CCDC175: variants seen among roughly 807,000 people sequenced by gnomAD.
CCDC175 encodes the protein coiled-coil domain-containing protein 175.
CCDC175 carries 100 observed loss-of-function variants against 114.6 expected under a neutral mutation model. The ratio of observed to expected loss-of-function variants is 0.87; its 90% CI spans 0.74 to 1.03. CCDC175 has a LOEUF of 1.03. CCDC175 is among the 50% of genes least tolerant of loss of function. The probability of loss-of-function intolerance (pLI) is 0.00; values close to 1 mark genes in which losing one functional copy is unlikely to be tolerated. For missense variants in CCDC175, 880 were observed against 917.8 expected (o/e 0.96, Z 0.53); for synonymous variants, 306 against 308.7 (o/e 0.99, Z 0.09).
At chr14:59,505,907 C>T (rs927472244) in intron 19 of CCDC175, among the ~76,000 whole-genome samples, 2 of 152,054 alleles carry the variant, frequency 1.3e-5, no homozygotes, top group African/African-American at 4.8e-5. Flanking sequence ...TTTCGAATTT[C>T]GGGTATTTTC....
chr14:59,546,273 C>T (rs1020929236), intron 8 of CCDC175, among the ~76,000 whole-genome samples: 5 of 152,074 alleles, frequency 3.3e-5, no homozygotes, highest in African/African-American at 1.2e-4. Context: ...ATTAGGTATA[C>T]ATGGACACAA....
rs1444521311 is a variant in CCDC175, at chr14:59,514,965, C to A, written c.2099-3162G>T. Among the ~76,000 whole-genome samples the A allele has an allele frequency of 2.0e-5, 3 of 152,280 alleles. No homozygotes were observed. In the East Asian group the frequency reaches 5.8e-4, roughly 29 times the overall value. On this transcript the variant is annotated intron_variant, in intron 17 of 19. Transcript: ENST00000537690. ...GAAGCCCAGCAGACTAACAGCTGAC[C>A]TCTCAGCAGAAACACTACAAGCCAG... is the stretch of plus-strand genomic sequence containing the variant.
intron 8 of CCDC175, among the ~76,000 whole-genome samples, chr14:59,547,689 AT>A (rs987803246): frequency 3.9e-5 from 6 of 152,230 alleles, no homozygotes; most frequent in African/African-American, 1.4e-4. Flanking sequence ...GCACATACAC[AT>A]AAATTCCAGA....
At chr14:59,512,170 A>T (rs981673493) in intron 17 of CCDC175, among the ~76,000 whole-genome samples, 1 of 152,232 alleles carries the variant, frequency 6.6e-6, no homozygotes, top group Non-Finnish European at 1.5e-5. Flanking sequence ...TAGCAAACTG[A>T]ATCCAGCAAT....
At chr14:59,509,043 C>A (rs1892605290) in intron 19 of CCDC175, among the ~76,000 whole-genome samples, 1 of 152,098 alleles carries the variant, frequency 6.6e-6, no homozygotes, top group South Asian at 2.1e-4. Context: ...CTCTACTTGT[C>A]ATAGATTATC....
intron 8 of CCDC175, among the ~76,000 whole-genome samples, chr14:59,550,516 G>A (rs1407094543): frequency 6.6e-6 from 1 of 152,022 alleles, no homozygotes; most frequent in Non-Finnish European, 1.5e-5. Flanking sequence ...TATAATATGT[G>A]TATTAGTCAG....
At chr14:59,563,152 A>T (rs1896318834) in intron 6 of CCDC175, among the ~76,000 whole-genome samples, 1 of 152,204 alleles carries the variant, frequency 6.6e-6, no homozygotes, top group Non-Finnish European at 1.5e-5. Flanking sequence ...CTTCAATTAT[A>T]GTCACCTCCA....
chr14:59,527,518 T>C (rs1893816170), intron 14 of CCDC175, among the ~76,000 whole-genome samples: 1 of 152,182 alleles, frequency 6.6e-6, no homozygotes, highest in South Asian at 2.1e-4. Context: ...CTAACCTTCC[T>C]ATAAAGTTAT....
chr14:59,526,693 CCTG>C (rs1303597034), intron 15 of CCDC175, among the ~76,000 whole-genome samples: 1 of 152,120 alleles, frequency 6.6e-6, no homozygotes, highest in Admixed American at 6.5e-5. Flanking sequence ...CATCTCTTTA[CCTG>C]CTGCTAATTC....
rs1894907048 is a variant in CCDC175 at position 59,543,427 on chromosome 14, A to G, written c.1200T>C (p.Ser400=). The G allele has an allele frequency of 2.1e-6, 3 of 1,449,152 alleles. No individual in the cohort carries two copies. Among genetic ancestry groups the G allele is most frequent in the African/African-American group, 2.8e-5 (2 of 70,396 alleles). The allele number at this position is 1,449,152 out of a possible 1,614,324, so 89.8% of individuals were successfully genotyped here. ...TTTGTGACAGAAAGTATTCTTTCTGAGAAATAAATGTCAGCTGTTTCTGAT... is the reference window on the plus strand; with the variant it reads ...TTTGTGACAGAAAGTATTCTTTCTGGGAAATAAATGTCAGCTGTTTCTGAT... ...DENQKQLTFI[S]QKEYFLSQKR... Residue 400 remains serine, a synonymous_variant, in exon 10 of 20, where the codon TCT becomes TCC. Transcript: ENST00000537690.
At chr14:59,567,869 TCTTA>T (rs1459406580) in intron 4 of CCDC175, among the ~76,000 whole-genome samples, 1 of 152,214 alleles carries the variant, frequency 6.6e-6, no homozygotes, top group Non-Finnish European at 1.5e-5. Context: ...CTGCAAGATT[TCTTA>T]CTTTGGTGGT....
intron 2 of CCDC175, among the ~76,000 whole-genome samples, chr14:59,574,677 C>G (rs1031445904): frequency 6.6e-6 from 1 of 152,170 alleles, no homozygotes; most frequent in African/African-American, 2.4e-5. Flanking sequence ...GTATTATCAC[C>G]CACATTGCTT....
At chr14:59,555,607 C>A (rs991507344) in intron 7 of CCDC175, among the ~76,000 whole-genome samples, 1 of 152,156 alleles carries the variant, frequency 6.6e-6, no homozygotes, top group African/African-American at 2.4e-5. Context: ...GTTGGAAGTT[C>A]TAGCCAGGGC....
intron 17 of CCDC175, among the ~76,000 whole-genome samples, chr14:59,514,998 T>TG (rs1892989274): frequency 6.6e-6 from 1 of 151,880 alleles, no homozygotes; most frequent in African/African-American, 2.4e-5. Context: ...CAGAAGAGAG[T>TG]GGGGGCCAAT....
intron 11 of CCDC175, among the ~76,000 whole-genome samples, chr14:59,539,985 C>T (rs1229349887): frequency 6.6e-6 from 1 of 151,930 alleles, no homozygotes; most frequent in African/African-American, 2.4e-5. Flanking sequence ...GCATGAGAAT[C>T]GCTTGAACCT....
At chr14:59,553,852 T>C (rs1372249523) in intron 7 of CCDC175, among the ~76,000 whole-genome samples, 1 of 151,596 alleles carries the variant, frequency 6.6e-6, no homozygotes, top group Non-Finnish European at 1.5e-5. Context: ...CCAACAAAGA[T>C]CAAAAGAGAC....
chr14:59,521,694 G>A lies in CCDC175; in HGVS notation c.1996-18C>T. The A allele has an allele frequency of 3.8e-6, 5 of 1,330,844 alleles. No homozygotes were observed. The highest frequency in any genetic ancestry group is 5.2e-6 in the Non-Finnish European group (5 of 960,324). The allele number at this position is 1,330,844 out of a possible 1,614,324, so 82.4% of individuals were successfully genotyped here. The stretch of plus-strand genomic sequence containing the variant: ...AAAATATACTGAAAATTAAAAGCAT[G>A]TGATTGCTTTTAGCAGTTTAGTTAC... On this transcript the variant is annotated intron_variant, in intron 16 of 19. Transcript: ENST00000537690.
At chr14:59,553,686 C>T (rs1211445090) in intron 7 of CCDC175, among the ~76,000 whole-genome samples, 2 of 152,122 alleles carry the variant, frequency 1.3e-5, no homozygotes, top group African/African-American at 2.4e-5. Context: ...GATAAAAAGT[C>T]AAGACCCATC....
intron 17 of CCDC175, among the ~76,000 whole-genome samples, chr14:59,512,592 C>T (rs892329552): frequency 1.3e-5 from 2 of 152,094 alleles, no homozygotes; most frequent in African/African-American, 4.8e-5. Context: ...ATTTTTGAGT[C>T]CTGTGAATCA....
Sources: gnomAD v4.1 joint callset for allele counts (sites outside exome capture counted in the v4.1 genomes callset) on GRCh38, gnomAD v4.1.1 for gene constraint, MANE v1.5 for transcripts, NCBI Gene and HGNC (gene_info 2026-07-23, HGNC 2026-07-21) for gene names.